The following NOX4 variants were observed in gnomAD, a reference collection of about 807,000 sequenced individuals.
The protein encoded by NOX4 is kidney oxidase-1.
A neutral mutation model predicts 87.6 loss-of-function variants in NOX4; 69 were observed. The ratio of observed to expected loss-of-function variants is 0.79; its 90% CI spans 0.65 to 0.96. The LOEUF (loss-of-function observed/expected upper bound fraction) is 0.96, where lower values mean the gene tolerates loss of function less well. NOX4 is among the 40% of genes least tolerant of loss of function. The pLI, the probability that NOX4 is intolerant of heterozygous loss-of-function variation, is 0.00. For synonymous variants in NOX4, 275 were observed against 238.2 expected (o/e 1.15, Z -1.42); for missense variants, 680 against 681.5 (o/e 1.00, Z 0.02).
intron 2 of NOX4, among the ~76,000 whole-genome samples, chr11:89,480,446 G>A (rs1946347704): frequency 6.6e-6 from 1 of 152,110 alleles, no homozygotes; most frequent in Admixed American, 6.6e-5. Flanking sequence ...AAGTCATAAT[G>A]CTCAGCACAA....
intron 17 of NOX4, among the ~76,000 whole-genome samples, chr11:89,330,153 G>T (rs1945409706): frequency 6.6e-6 from 1 of 151,954 alleles, no homozygotes. Flanking sequence ...CAAAGTACCA[G>T]CCTGGCCAAC....
At chr11:89,500,908 G>T (rs1213263380), upstream of NOX4, among the ~76,000 whole-genome samples, 5 of 152,050 alleles carry the variant, frequency 3.3e-5, no homozygotes, top group Admixed American at 2.6e-4. Flanking sequence ...GTTCCTGCAA[G>T]TGGGGCATTG....
chr11:89,328,634 A>G (rs1945316435), intron 17 of NOX4, among the ~76,000 whole-genome samples: 1 of 152,176 alleles, frequency 6.6e-6, no homozygotes, highest in African/African-American at 2.4e-5. Flanking sequence ...AAAAAGCAAG[A>G]AAGTATGAAC....
chr11:89,432,178 A>G (rs1943829591), intron 7 of NOX4, among the ~76,000 whole-genome samples: 1 of 152,010 alleles, frequency 6.6e-6, no homozygotes, highest in Non-Finnish European at 1.5e-5. Context: ...AGGAAGGGGA[A>G]CATCACACAC....
At chr11:89,399,269 T>C (rs1443446276) in intron 11 of NOX4, among the ~76,000 whole-genome samples, 2 of 150,986 alleles carry the variant, frequency 1.3e-5, no homozygotes, top group Non-Finnish European at 3.0e-5. Flanking sequence ...CACTGGATTT[T>C]ACCTTTTCTA....
intron 6 of NOX4, among the ~76,000 whole-genome samples, chr11:89,435,074 T>C (rs926539754): frequency 2.0e-5 from 3 of 152,108 alleles, no homozygotes; most frequent in African/African-American, 7.2e-5. Context: ...TGTGTATATA[T>C]GTATGTATCA....
chr11:89,462,314 C>T (rs960739442), intron 2 of NOX4, among the ~76,000 whole-genome samples: 1 of 152,048 alleles, frequency 6.6e-6, no homozygotes, highest in African/African-American at 2.4e-5. Flanking sequence ...TTTACAAACT[C>T]GATGTAACTC....
At chr11:89,515,317 T>A in the NOX4 span, among the ~76,000 whole-genome samples, 1 of 151,946 alleles carries the variant, frequency 6.6e-6, no homozygotes, top group Admixed American at 6.6e-5. Flanking sequence ...GTATTTATAA[T>A]GCTGAACATC....
At chr11:89,349,969 TA>T (rs1244842068) in intron 13 of NOX4, among the ~76,000 whole-genome samples, 21 of 152,348 alleles carry the variant, frequency 1.4e-4, no homozygotes, top group African/African-American at 4.3e-4. Context: ...TTATTAGCAA[TA>T]AAACTTGTTT....
At chr11:89,539,615 C>G in the NOX4 span, among the ~76,000 whole-genome samples, 5 of 152,052 alleles carry the variant, frequency 3.3e-5, no homozygotes, top group Non-Finnish European at 7.3e-5. Flanking sequence ...CTCACCCACC[C>G]TCTTTCTCTT....
At chr11:89,534,280 C>A in the NOX4 span, among the ~76,000 whole-genome samples, 1 of 152,168 alleles carries the variant, frequency 6.6e-6, no homozygotes, top group Non-Finnish European at 1.5e-5. Flanking sequence ...TATGAGCTGG[C>A]CTCAGGTAAT....
At chr11:89,439,792 A>G (rs1174332790) in intron 6 of NOX4, among the ~76,000 whole-genome samples, 1 of 152,188 alleles carries the variant, frequency 6.6e-6, no homozygotes, top group East Asian at 1.9e-4. Flanking sequence ...TGCTTTAACA[A>G]ATTAATAGTC....
intron 2 of NOX4, among the ~76,000 whole-genome samples, chr11:89,456,988 C>A (rs973092454): frequency 2.0e-5 from 3 of 152,132 alleles, no homozygotes; most frequent in Non-Finnish European, 4.4e-5. Flanking sequence ...GCTATATGTA[C>A]CTGCTTGAAG....
the NOX4 span, among the ~76,000 whole-genome samples, chr11:89,513,319 TA>T: frequency 1.9e-3 from 271 of 141,652 alleles, no homozygotes; most frequent in Admixed American, 1.8e-3. Context: ...AAACTCCGTC[TA>T]AAAAAAAAAA....
the NOX4 span, among the ~76,000 whole-genome samples, chr11:89,568,339 G>A: frequency 6.6e-6 from 1 of 152,158 alleles, no homozygotes; most frequent in Non-Finnish European, 1.5e-5. Context: ...TAGACCACAA[G>A]TTGGAGTAAT....
chr11:89,567,636 C>T, the NOX4 span, among the ~76,000 whole-genome samples: 1 of 152,166 alleles, frequency 6.6e-6, no homozygotes, highest in Non-Finnish European at 1.5e-5. Context: ...ACCATCAGAT[C>T]TCATGAGAAC....
intron 12 of NOX4, among the ~76,000 whole-genome samples, chr11:89,360,201 T>G (rs1281546764): frequency 6.6e-6 from 1 of 152,072 alleles, no homozygotes; most frequent in Non-Finnish European, 1.5e-5. Flanking sequence ...GATTACTTCT[T>G]AATGCAGGAA....
intron 12 of NOX4, among the ~76,000 whole-genome samples, chr11:89,359,401 G>GTTTT (rs1938338122): frequency 7.6e-6 from 1 of 132,232 alleles, no homozygotes. Flanking sequence ...TTTTTTTTGA[G>GTTTT]ATGGAGTCTT....
chr11:89,514,957 CTGAG>C, the NOX4 span, among the ~76,000 whole-genome samples: 1 of 151,882 alleles, frequency 6.6e-6, no homozygotes, highest in Non-Finnish European at 1.5e-5. Flanking sequence ...GTTTTTATTG[CTGAG>C]TATTATTCCA....
Sources: allele counts gnomAD v4.1 joint callset (sites outside exome capture counted in the v4.1 genomes callset), GRCh38; gene constraint gnomAD v4.1.1; transcripts MANE v1.5; gene names NCBI Gene and HGNC (gene_info 2026-07-23, HGNC 2026-07-21).